Variants in CDH11 observed in about 807,000 individuals in gnomAD.
The protein encoded by CDH11 is cadherin-11.
In CDH11, 11 loss-of-function variants were observed where a neutral mutation model predicts 67.8. That is an observed-to-expected ratio of 0.16 (90% CI 0.10 to 0.27). CDH11 has a LOEUF of 0.27. CDH11 is among the 10% of genes least tolerant of loss of function. The pLI is 1.00. For synonymous variants in CDH11, 419 were observed against 400.0 expected, an observed-to-expected ratio of 1.05 and a Z score of -0.57; for missense variants, 847 against 1,031.2, an observed-to-expected ratio of 0.82 and a Z score of 2.45.
At chr16:64,965,614 T>G (rs1386574533) in intron 11 of CDH11, among the ~76,000 whole-genome samples, 1 of 152,280 alleles carries the variant, frequency 6.6e-6, no homozygotes. Context: ...AACTTTATTT[T>G]TGATAAATAG....
At chr16:65,010,962 T>TATACACACAC (rs1567526752) in intron 2 of CDH11, among the ~76,000 whole-genome samples, 2 of 125,410 alleles carry the variant, frequency 1.6e-5, no homozygotes, top group African/African-American at 5.2e-5. Flanking sequence ...CATATATATA[T>TATACACACAC]ATATGTGTTT....
rs1402294597 is a variant in CDH11, at chr16:64,945,077, C to T, written c.*2526G>A. ...AATGAATGATGACTAGAAACAATAA[C>T]CATTACTTGAGGAAAAGAACAGAAG... On this transcript the variant is annotated 3_prime_UTR_variant, in exon 13 of 13. Transcript: ENST00000268603. 3.4e-4 allele frequency: 69 copies of T among 204,904 alleles called. No individual in the cohort carries two copies. The highest frequency in any genetic ancestry group is 1.3e-4 in the Non-Finnish European group (13 of 100,152). The allele number at this position is 204,904 out of a possible 1,614,324, so 12.7% of individuals were successfully genotyped here. A position where few individuals can be genotyped will look rare whatever the true frequency, so the allele number is the denominator to read the frequency against.
chr16:64,983,159 T>C (rs555129561), intron 7 of CDH11: 1 of 148,796 alleles, frequency 6.7e-6, no homozygotes, highest in South Asian at 2.1e-4. Context: ...AAAAAAAGAA[T>C]GCATATATAT....
At chr16:64,988,666 T>C (rs1194483631) in intron 6 of CDH11, among the ~76,000 whole-genome samples, 1 of 152,184 alleles carries the variant, frequency 6.6e-6, no homozygotes, top group Non-Finnish European at 1.5e-5. Flanking sequence ...TGTCTTCATT[T>C]AGCAAAATAG....
intron 2 of CDH11, among the ~76,000 whole-genome samples, chr16:65,044,340 A>C (rs1210711181): frequency 6.6e-6 from 1 of 152,242 alleles, no homozygotes; most frequent in East Asian, 1.9e-4. Flanking sequence ...CAGTGCCCAC[A>C]ACACATTTAG....
At chr16:64,978,394 C>A (rs944296026) in intron 8 of CDH11, among the ~76,000 whole-genome samples, 1 of 152,196 alleles carries the variant, frequency 6.6e-6, no homozygotes, top group Non-Finnish European at 1.5e-5. Context: ...TTCAACTACT[C>A]AACTCTGCCC....
chr16:64,976,006 C>T (rs1253294595), intron 8 of CDH11, among the ~76,000 whole-genome samples: 2 of 152,122 alleles, frequency 1.3e-5, no homozygotes, highest in Admixed American at 6.6e-5. Flanking sequence ...GGGGTGGAAA[C>T]AGCTGTTTTT....
intron 2 of CDH11, among the ~76,000 whole-genome samples, chr16:65,013,750 C>T (rs929876678): frequency 9.2e-5 from 14 of 151,890 alleles, no homozygotes; most frequent in African/African-American, 3.4e-4. Context: ...TTGCTTGAAC[C>T]CAGGAGGTGG....
intron 3 of CDH11, among the ~76,000 whole-genome samples, chr16:65,003,386 A>T (rs973037706): frequency 6.6e-6 from 1 of 151,856 alleles, no homozygotes; most frequent in Non-Finnish European, 1.5e-5. Context: ...CCTCTGGAGT[A>T]GTTGGGATTA....
chr16:65,068,007 GGA>G (rs2074347647), intron 1 of CDH11, among the ~76,000 whole-genome samples: 1 of 110,864 alleles, frequency 9.0e-6, no homozygotes, highest in African/African-American at 3.3e-5. Flanking sequence ...AAGAAGGGAG[GGA>G]GAGAGAGAAG....
At chr16:64,954,383 G>A (rs1445699666) in intron 11 of CDH11, among the ~76,000 whole-genome samples, 2 of 152,096 alleles carry the variant, frequency 1.3e-5, no homozygotes, top group Non-Finnish European at 1.5e-5. Flanking sequence ...CTTTCAATTG[G>A]GTAACTTTTC....
chr16:65,069,826 G>A (rs1242513042), intron 1 of CDH11, among the ~76,000 whole-genome samples: 1 of 152,100 alleles, frequency 6.6e-6, no homozygotes, highest in Non-Finnish European at 1.5e-5. Flanking sequence ...ATTTCACCCA[G>A]TTTATTCCTC....
At chr16:65,094,708 A>T (rs2074856606) in intron 1 of CDH11, 1 of 152,172 alleles carries the variant, frequency 6.6e-6, no homozygotes, top group Admixed American at 6.5e-5. Flanking sequence ...GACTACAAAC[A>T]GAGGACTATA....
chr16:65,100,693 G>A (rs1472591225), intron 1 of CDH11, among the ~76,000 whole-genome samples: 6 of 149,490 alleles, frequency 4.0e-5, no homozygotes, highest in African/African-American at 1.2e-4. Context: ...AGCTGAGATC[G>A]CGCCACTGCA....
chr16:65,078,050 C>A (rs1408182428), intron 1 of CDH11, among the ~76,000 whole-genome samples: 2 of 152,202 alleles, frequency 1.3e-5, no homozygotes, highest in Non-Finnish European at 2.9e-5. Flanking sequence ...CTCTAGCAAT[C>A]CTTACCCTCC....
chr16:64,955,136 C>A lies in CDH11; in HGVS notation c.1643-4118G>T, dbSNP rs560083958. Among the ~76,000 whole-genome samples the A allele has an allele frequency of 6.6e-5, 10 of 152,124 alleles. No homozygotes were observed. In the East Asian group the frequency reaches 1.9e-3, roughly 30 times the overall value. On this transcript the variant is annotated intron_variant, in intron 11 of 12. Transcript: ENST00000268603. ...TGGTGGGTGCCTGTAATCCCAGCTA[C>A]TCGGGAGGCTGAGGCAGGAGAATGG...
At position 64,998,695 on chromosome 16, in the gene CDH11, C is replaced by T. The variant is rs758449369; in HGVS notation, c.390G>A (p.Ala130=). 18 of 1,613,974 alleles carry T rather than the reference C, an allele frequency of 1.1e-5. No homozygotes were observed. Among genetic ancestry groups the T allele is most frequent in the Admixed American group, 6.7e-5 (4 of 59,990 alleles). ...ERAQYTLMAQ[A]VDRDTNRPLE... The stretch of plus-strand genomic sequence containing the variant: ...GTGGCCGATTGGTGTCCCTGTCCAC[C>T]GCCTGAGCCATCAACGTGTACTGGG... The change falls in exon 4 of 13, where the codon GCG becomes GCA. Residue 130 remains alanine, a synonymous_variant. Coordinates refer to ENST00000268603, the MANE Select transcript of CDH11 (RefSeq NM_001797.4).
intron 5 of CDH11, 26 bp downstream of exon 5, chr16:64,992,889 C>T: frequency 1.9e-6 from 3 of 1,610,208 alleles, no homozygotes; most frequent in Non-Finnish European, 2.5e-6. Flanking sequence ...CCATGTGTCA[C>T]AAATCACAGT....
At chr16:65,079,495 ATGTG>A (rs1364820700) in intron 1 of CDH11, among the ~76,000 whole-genome samples, 9 of 152,014 alleles carry the variant, frequency 5.9e-5, no homozygotes, top group South Asian at 4.1e-4. Flanking sequence ...GTGCGTGTGT[ATGTG>A]TGTGTGTGTG....
Sources: allele counts gnomAD v4.1 joint callset (sites outside exome capture counted in the v4.1 genomes callset), GRCh38; gene constraint gnomAD v4.1.1; transcripts MANE v1.5; gene names NCBI Gene and HGNC (gene_info 2026-07-23, HGNC 2026-07-21).